The following UBE2E2 variants were observed in gnomAD, a reference collection of about 807,000 sequenced individuals.
UBE2E2 encodes the protein ubiquitin conjugating enzyme E2 E2.
UBE2E2 carries 6 observed loss-of-function variants against 24.7 expected under a neutral mutation model. The observed-to-expected ratio is 0.24, with a 90% confidence interval of 0.13 to 0.48. The LOEUF (loss-of-function observed/expected upper bound fraction) is 0.48. Among genes scored for constraint, UBE2E2 ranks in the 20% least tolerant of loss-of-function variants. The probability of loss-of-function intolerance (pLI) is 0.99; values close to 1 mark genes in which losing one functional copy is unlikely to be tolerated. For synonymous variants in UBE2E2, 104 were observed against 83.6 expected, an observed-to-expected ratio of 1.24 and a Z score of -1.33; for missense variants, 169 against 245.0, an observed-to-expected ratio of 0.69 and a Z score of 2.07.
intron 3 of UBE2E2, among the ~76,000 whole-genome samples, chr3:23,379,909 T>C (rs551004419): frequency 6.6e-6 from 1 of 152,126 alleles, no homozygotes; most frequent in South Asian, 2.1e-4. Context: ...GCTTAGTGAA[T>C]GAAGGGAAGA....
chr3:23,268,822 C>A (rs1288546212), intron 3 of UBE2E2, among the ~76,000 whole-genome samples: 1 of 151,574 alleles, frequency 6.6e-6, no homozygotes, highest in African/African-American at 2.4e-5. Context: ...GCTACAGTAA[C>A]CAAAACAGCA....
At chr3:23,310,617 C>T (rs371649580) in intron 3 of UBE2E2, among the ~76,000 whole-genome samples, 8 of 152,146 alleles carry the variant, frequency 5.3e-5, no homozygotes, top group South Asian at 2.1e-4. Context: ...GGCATTATGG[C>T]TTCTACCTGT....
chr3:23,356,195 A>T (rs957838490), intron 3 of UBE2E2, among the ~76,000 whole-genome samples: 1 of 152,154 alleles, frequency 6.6e-6, no homozygotes, highest in African/African-American at 2.4e-5. Flanking sequence ...GCAAATCAGA[A>T]CCCAGGAAGA....
At chr3:23,294,882 A>G (rs1395821377) in intron 3 of UBE2E2, among the ~76,000 whole-genome samples, 1 of 151,884 alleles carries the variant, frequency 6.6e-6, no homozygotes, top group African/African-American at 2.4e-5. Context: ...TGATGCAGGT[A>G]ATTATTGTCT....
rs534552600 is a variant in UBE2E2, at chr3:23,385,818, GATGA to G, written c.228-113787_228-113784del. Among the ~76,000 whole-genome samples, 714 of 152,282 alleles carry G rather than the reference GATGA, an allele frequency of 4.7e-3. 1 individual carries two copies. Among genetic ancestry groups the G allele is most frequent in the Non-Finnish European group, 7.4e-3 (502 of 68,016 alleles). On this transcript the variant is annotated intron_variant, in intron 3 of 5. Transcript: ENST00000396703. Reference sequence around the variant, plus strand: ...TTGAGCACATTACATCTGTATGCTGGATGAATAGGAAGTTTTTCAATAAAGGAGG... The same window carrying G: ...TTGAGCACATTACATCTGTATGCTGGATAGGAAGTTTTTCAATAAAGGAGG...
chr3:23,303,010 C>T (rs992262336), intron 3 of UBE2E2, among the ~76,000 whole-genome samples: 2 of 152,212 alleles, frequency 1.3e-5, no homozygotes, highest in Admixed American at 1.3e-4. Context: ...GCCAGTGAAG[C>T]TTCATGTGTA....
At chr3:23,460,865 G>A (rs1245918879) in intron 3 of UBE2E2, among the ~76,000 whole-genome samples, 1 of 152,062 alleles carries the variant, frequency 6.6e-6, no homozygotes, top group African/African-American at 2.4e-5. Flanking sequence ...TCACCTTTTG[G>A]CCATGTATGT....
chr3:23,383,728 C>G (rs1461130065), intron 3 of UBE2E2, among the ~76,000 whole-genome samples: 1 of 151,672 alleles, frequency 6.6e-6, no homozygotes, highest in Non-Finnish European at 1.5e-5. Flanking sequence ...TCTTCTAGAG[C>G]CCTGCTTAGC....
At chr3:23,562,941 C>G (rs1473911527) in intron 5 of UBE2E2, among the ~76,000 whole-genome samples, 3 of 152,052 alleles carry the variant, frequency 2.0e-5, no homozygotes, top group Non-Finnish European at 4.4e-5. Flanking sequence ...TTTATTGTGT[C>G]TATTTGATTC....
intron 3 of UBE2E2, among the ~76,000 whole-genome samples, chr3:23,242,013 T>C (rs1697271676): frequency 6.6e-6 from 1 of 152,184 alleles, no homozygotes; most frequent in African/African-American, 2.4e-5. Flanking sequence ...GTGCTCAAGC[T>C]ATCCTGCTGC....
intron 3 of UBE2E2, among the ~76,000 whole-genome samples, chr3:23,375,217 T>C (rs1194546373): frequency 6.6e-6 from 1 of 152,212 alleles, no homozygotes; most frequent in East Asian, 1.9e-4. Flanking sequence ...CTCCTGACAT[T>C]GTGTACTCTT....
intron 3 of UBE2E2, among the ~76,000 whole-genome samples, chr3:23,468,119 A>T (rs188307433): frequency 3.0e-4 from 45 of 152,222 alleles, no homozygotes; most frequent in African/African-American, 1.1e-3. Flanking sequence ...GAGCCTCCTT[A>T]TTCTTGCTCC....
intron 3 of UBE2E2, among the ~76,000 whole-genome samples, chr3:23,355,715 AG>A: frequency 6.6e-6 from 1 of 152,212 alleles, no homozygotes; most frequent in Non-Finnish European, 1.5e-5. Context: ...CAGTCTCCGT[AG>A]ATACTAAAAT....
At chr3:23,209,273 A>G (rs1006742379) in intron 2 of UBE2E2, among the ~76,000 whole-genome samples, 4 of 152,180 alleles carry the variant, frequency 2.6e-5, no homozygotes, top group Admixed American at 2.0e-4. Context: ...TTTATTTTCC[A>G]CTACTCCCAG....
chr3:23,229,051 G>C (rs1235230438), intron 3 of UBE2E2, among the ~76,000 whole-genome samples: 1 of 152,152 alleles, frequency 6.6e-6, no homozygotes, highest in Non-Finnish European at 1.5e-5. Context: ...TGATGCTTCA[G>C]ATTACAACTC....
intron 2 of UBE2E2, among the ~76,000 whole-genome samples, chr3:23,215,364 A>G (rs955055308): frequency 6.6e-6 from 1 of 152,164 alleles, no homozygotes; most frequent in African/African-American, 2.4e-5. Context: ...TTACGATTAG[A>G]TTAACTACAA....
chr3:23,375,794 A>G (rs189272348), intron 3 of UBE2E2, among the ~76,000 whole-genome samples: 1 of 152,306 alleles, frequency 6.6e-6, no homozygotes, highest in Admixed American at 6.5e-5. Flanking sequence ...TAAACCCTTA[A>G]CAAGTGCAGA....
At chr3:23,512,466 T>C (rs1694622517) in intron 4 of UBE2E2, among the ~76,000 whole-genome samples, 1 of 152,096 alleles carries the variant, frequency 6.6e-6, no homozygotes, top group South Asian at 2.1e-4. Flanking sequence ...CCAGTCCTCC[T>C]GAGCTCAACC....
At chr3:23,220,328 A>G (rs988266856) in intron 3 of UBE2E2, among the ~76,000 whole-genome samples, 1 of 152,222 alleles carries the variant, frequency 6.6e-6, no homozygotes, top group Admixed American at 6.5e-5. Flanking sequence ...GTAAAAATGC[A>G]GTAAGATAGT....
Sources: gnomAD v4.1 joint callset for allele counts (sites outside exome capture counted in the v4.1 genomes callset) on GRCh38, gnomAD v4.1.1 for gene constraint, MANE v1.5 for transcripts, NCBI Gene and HGNC (gene_info 2026-07-23, HGNC 2026-07-21) for gene names.